The following GALNT17 variants were observed in gnomAD, a reference collection of about 807,000 sequenced individuals.
GALNT17 encodes the protein UDP-GalNAc:polypeptide N-acetylgalactosaminyltransferase-like 3.
A neutral mutation model predicts 63.7 loss-of-function variants in GALNT17; 29 were observed. That is an observed-to-expected ratio of 0.46 (90% CI 0.34 to 0.62). The LOEUF is 0.62. GALNT17 is among the 20% of genes least tolerant of loss of function. GALNT17 has a pLI of 0.01. For synonymous variants in GALNT17, 305 were observed against 318.3 expected, an observed-to-expected ratio of 0.96 and a Z score of 0.45; for missense variants, 603 against 799.6, an observed-to-expected ratio of 0.75 and a Z score of 2.97.
At chr7:71,463,600 A>AAT (rs1450232191) in intron 5 of GALNT17, among the ~76,000 whole-genome samples, 1 of 152,194 alleles carries the variant, frequency 6.6e-6, no homozygotes, top group African/African-American at 2.4e-5. Context: ...TGCTAGACTG[A>AAT]ATATAGTTAT....
At chr7:71,136,486 C>T (rs1787785546) in intron 1 of GALNT17, among the ~76,000 whole-genome samples, 1 of 151,904 alleles carries the variant, frequency 6.6e-6, no homozygotes, top group African/African-American at 2.4e-5. Flanking sequence ...CTCCTCCTGG[C>T]TTCCTCTTCT....
chr7:71,556,850 G>A (rs192931244), intron 5 of GALNT17, among the ~76,000 whole-genome samples: 35 of 152,212 alleles, frequency 2.3e-4, no homozygotes, highest in African/African-American at 7.9e-4. Flanking sequence ...ACAGGCATAA[G>A]CCACTGCGCC....
At chr7:71,618,975 G>A (rs550368177) in intron 6 of GALNT17, among the ~76,000 whole-genome samples, 1 of 152,144 alleles carries the variant, frequency 6.6e-6, no homozygotes, top group Non-Finnish European at 1.5e-5. Context: ...TCCATCTTGA[G>A]TTAATTTTTG....
At chr7:71,584,753 CCTTT>C (rs1437164592) in intron 6 of GALNT17, among the ~76,000 whole-genome samples, 1 of 150,524 alleles carries the variant, frequency 6.6e-6, no homozygotes, top group African/African-American at 2.5e-5. Flanking sequence ...TTTCTTCTCA[CCTTT>C]ATTTATTTAT....
intron 9 of GALNT17, among the ~76,000 whole-genome samples, chr7:71,701,022 C>T (rs368757180): frequency 1.3e-5 from 2 of 152,252 alleles, no homozygotes; most frequent in African/African-American, 2.4e-5. Flanking sequence ...GCCTTCATGC[C>T]ACTCTCATTC....
At chr7:71,367,264 G>C (rs1161558873) in intron 2 of GALNT17, among the ~76,000 whole-genome samples, 1 of 152,128 alleles carries the variant, frequency 6.6e-6, no homozygotes, top group Non-Finnish European at 1.5e-5. Context: ...TAAAACATCA[G>C]TAGGTTCTAG....
At chr7:71,580,335 T>C (rs1453958024) in intron 6 of GALNT17, among the ~76,000 whole-genome samples, 1 of 151,512 alleles carries the variant, frequency 6.6e-6, no homozygotes, top group Non-Finnish European at 1.5e-5. Context: ...ACAAAGAAGA[T>C]AGATATAGAT....
At chr7:71,677,682 T>A (rs1040364679) in intron 9 of GALNT17, among the ~76,000 whole-genome samples, 6 of 152,054 alleles carry the variant, frequency 3.9e-5, no homozygotes, top group African/African-American at 1.4e-4. Context: ...GCCCAGCTAA[T>A]TTTTTTGTAT....
rs114423579 is a variant in GALNT17, at chr7:71,426,961, C to T, written c.962+5856C>T. ...GATATTGGCTAGTTAGAAAGACAAGCGTGTTCTTCATAGGAAGTTATACCA... is the reference window on the plus strand; with the variant it reads ...GATATTGGCTAGTTAGAAAGACAAGTGTGTTCTTCATAGGAAGTTATACCA... On this transcript the variant is annotated intron_variant, in intron 5 of 10. Coordinates refer to ENST00000333538, the MANE Select transcript of GALNT17 (RefSeq NM_022479.3). Among the ~76,000 whole-genome samples the T allele has an allele frequency of 1.9e-3, 287 of 151,908 alleles. 1 individual carries two copies. The highest frequency in any genetic ancestry group is 6.7e-3 in the African/African-American group (277 of 41,450).
chr7:71,145,489 C>A (rs1200509566), intron 1 of GALNT17, among the ~76,000 whole-genome samples: 11 of 151,946 alleles, frequency 7.2e-5, no homozygotes, highest in Non-Finnish European at 7.4e-5. Context: ...CAGAGTGAGA[C>A]CCTGTTTCTA....
intron 2 of GALNT17, among the ~76,000 whole-genome samples, chr7:71,345,279 C>T (rs990029407): frequency 6.6e-6 from 1 of 151,912 alleles, no homozygotes; most frequent in African/African-American, 2.4e-5. Context: ...CTTATTAAAG[C>T]CACTGCTGAG....
At chr7:71,399,368 G>A (rs953544606) in intron 3 of GALNT17, among the ~76,000 whole-genome samples, 19 of 152,198 alleles carry the variant, frequency 1.2e-4, no homozygotes, top group Admixed American at 5.2e-4. Flanking sequence ...GCTGCTGCCG[G>A]TTCCATTGCC....
intron 7 of GALNT17, among the ~76,000 whole-genome samples, chr7:71,669,708 C>A (rs1417310720): frequency 6.6e-6 from 1 of 151,780 alleles, no homozygotes; most frequent in Non-Finnish European, 1.5e-5. Context: ...ATTACAGGTG[C>A]CCACCACCAT....
intron 1 of GALNT17, among the ~76,000 whole-genome samples, chr7:71,140,467 G>T (rs955886256): frequency 2.0e-5 from 3 of 152,180 alleles, no homozygotes; most frequent in African/African-American, 7.2e-5. Flanking sequence ...GAGTGTGGTG[G>T]GCACCCTGCC....
At chr7:71,209,578 C>A (rs1402377864) in intron 1 of GALNT17, among the ~76,000 whole-genome samples, 2 of 152,120 alleles carry the variant, frequency 1.3e-5, no homozygotes, top group East Asian at 3.8e-4. Flanking sequence ...TCACTGCAGC[C>A]TCCAACTCCC....
At chr7:71,503,493 T>A (rs1465683572) in intron 5 of GALNT17, among the ~76,000 whole-genome samples, 1 of 152,126 alleles carries the variant, frequency 6.6e-6, no homozygotes, top group Non-Finnish European at 1.5e-5. Flanking sequence ...CACCCCGGCC[T>A]CCCAAAGTGC....
intron 6 of GALNT17, among the ~76,000 whole-genome samples, chr7:71,650,549 CTT>C (rs1234882906): frequency 6.6e-6 from 1 of 152,206 alleles, no homozygotes; most frequent in African/African-American, 2.4e-5. Flanking sequence ...CAATTATGCT[CTT>C]TAAAGGATGT....
At chr7:71,301,519 A>C (rs946115732) in intron 1 of GALNT17, among the ~76,000 whole-genome samples, 1 of 151,318 alleles carries the variant, frequency 6.6e-6, no homozygotes, top group Non-Finnish European at 1.5e-5. Flanking sequence ...TACTTTTGCC[A>C]TTGTGTTGCT....
At chr7:71,453,139 T>A (rs1216733160) in intron 5 of GALNT17, among the ~76,000 whole-genome samples, 1 of 145,434 alleles carries the variant, frequency 6.9e-6, no homozygotes, top group Non-Finnish European at 1.5e-5. Flanking sequence ...TAAATAAACA[T>A]TTTTTTTTGC....
Sources: gnomAD v4.1 joint callset for allele counts (sites outside exome capture counted in the v4.1 genomes callset) on GRCh38, gnomAD v4.1.1 for gene constraint, MANE v1.5 for transcripts, NCBI Gene and HGNC (gene_info 2026-07-23, HGNC 2026-07-21) for gene names.